PABIR2: variants seen among roughly 807,000 people sequenced by gnomAD.
The protein encoded by PABIR2 is family with sequence similarity 122B.
Under a neutral mutation model 22.8 loss-of-function variants are expected in PABIR2, and 7 were observed. The observed-to-expected ratio is 0.31, with a 90% confidence interval of 0.17 to 0.58. The LOEUF (loss-of-function observed/expected upper bound fraction) is 0.58, where lower values mean the gene tolerates loss of function less well. Ranked by LOEUF, PABIR2 falls within the 20% of genes least tolerant of loss-of-function variation. PABIR2 has a pLI of 0.89. For synonymous variants in PABIR2, 67 were observed against 73.8 expected, an observed-to-expected ratio of 0.91 and a Z score of 0.47; for missense variants, 155 against 205.1, an observed-to-expected ratio of 0.76 and a Z score of 1.49.
At position 134,771,409 on chromosome X, in the gene PABIR2, A is replaced by C; in HGVS notation, c.*730T>G. The C allele has an allele frequency of 8.0e-6, 9 of 1,128,674 alleles. No individual in the cohort carries two copies. Among genetic ancestry groups the C allele is most frequent in the Non-Finnish European group, 1.0e-5 (9 of 860,912 alleles). The allele number at this position is 1,128,674 out of a possible 1,213,427, so 93.0% of individuals were successfully genotyped here. On this transcript the variant is annotated 3_prime_UTR_variant, in exon 10 of 10. Coordinates refer to ENST00000343004, the MANE Select transcript of PABIR2 (RefSeq NM_001387468.1). Reference sequence around the variant, plus strand: ...CCTTAGGGCAACAGGTTTGAGGAGAAATATATCAACTGTGGTAGCAAAGTC... The same window carrying C: ...CCTTAGGGCAACAGGTTTGAGGAGACATATATCAACTGTGGTAGCAAAGTC...
At chrX:134,785,851 G>C in intron 8 of PABIR2, 35 bp downstream of exon 8, 2 of 1,146,916 alleles carry the variant, frequency 1.7e-6, no homozygotes, top group Non-Finnish European at 2.4e-6. Context: ...ATGTGACACA[G>C]TAGCATTAGC....
chrX:134,790,024 C>T (rs1210363419), intron 2 of PABIR2, among the ~76,000 whole-genome samples: 1 of 111,680 alleles, frequency 9.0e-6, no homozygotes, highest in Admixed American at 9.5e-5. Context: ...ATCAATGCAG[C>T]AATGGGGGAA....
chrX:134,787,773 G>T (rs2079381640), intron 6 of PABIR2, among the ~76,000 whole-genome samples: 1 of 104,349 alleles, frequency 9.6e-6, no homozygotes. Context: ...GCGCCACCAT[G>T]CCCGACTAAT....
intron 1 of PABIR2, among the ~76,000 whole-genome samples, chrX:134,794,572 C>T (rs1215426315): frequency 2.7e-5 from 3 of 111,985 alleles, no homozygotes; most frequent in Admixed American, 9.5e-5. Flanking sequence ...CCAAAGAGTA[C>T]ACTGGGAGAT....
chrX:134,781,508 A>G (rs1246164167), intron 9 of PABIR2, among the ~76,000 whole-genome samples: 2 of 111,964 alleles, frequency 1.8e-5, no homozygotes, highest in Non-Finnish European at 3.8e-5. Context: ...ATGTTTTAGG[A>G]CCACATTTCT....
rs35944652 is a variant in PABIR2 at position 134,776,085 on chromosome X, A to AGT, written c.660-3804_660-3803dup. 6.9e-3 allele frequency among the ~76,000 whole-genome samples: 747 copies of AGT among 108,008 alleles called. 6 individuals are homozygous for AGT. Among genetic ancestry groups the AGT allele is most frequent in the Admixed American group, 0.019 (190 of 10,204 alleles). The allele number at this position is 108,008 out of a possible 115,157, so 93.8% of individuals were successfully genotyped here. A position where few individuals can be genotyped will look rare whatever the true frequency, so the allele number is the denominator to read the frequency against. The stretch of plus-strand genomic sequence containing the variant: ...AAGTTGCTCACATAAACATCTCTAA[A>AGT]GTGTGTGTGTGTGTGTGTGTGTATA... On this transcript the variant is annotated intron_variant, in intron 9 of 9. Coordinates refer to ENST00000343004, the MANE Select transcript of PABIR2 (RefSeq NM_001387468.1).
At position 134,771,105 on chromosome X, in the gene PABIR2, G is replaced by A; in HGVS notation, c.*1034C>T. The A allele has an allele frequency of 3.0e-6, 1 of 331,470 alleles. No individual in the cohort carries two copies. The highest frequency in any genetic ancestry group is 5.1e-6 in the Non-Finnish European group (1 of 196,260). The allele number at this position is 331,470 out of a possible 1,213,427, so 27.3% of individuals were successfully genotyped here. Reference sequence around the variant, plus strand: ...ATGACAAAAAGGAATCGGAAAAAAAGCAGCAACAGAAACAGTATGTGGCAA... The same window carrying A: ...ATGACAAAAAGGAATCGGAAAAAAAACAGCAACAGAAACAGTATGTGGCAA... On this transcript the variant is annotated 3_prime_UTR_variant, in exon 10 of 10. Transcript: ENST00000343004.
chrX:134,779,108 C>T (rs2079086367), intron 9 of PABIR2, among the ~76,000 whole-genome samples: 1 of 111,642 alleles, frequency 9.0e-6, no homozygotes, highest in South Asian at 3.7e-4. Context: ...GCCACTGTGC[C>T]CAGCCACAAC....
Position 134,790,807 on chromosome X carries a change from C to G in PABIR2, c.178-1171G>C, listed in dbSNP as rs1309519232. ...TAGGATGATCTCGATCTCCTGACCT[C>G]GTGATCCTCCTGCCTTGGCCCTCCA... On this transcript the variant is annotated intron_variant, in intron 2 of 9. Coordinates refer to ENST00000343004, the MANE Select transcript of PABIR2 (RefSeq NM_001387468.1). Among the ~76,000 whole-genome samples, 6 of 112,400 alleles carry G rather than the reference C, an allele frequency of 5.3e-5. No individual in the cohort carries two copies. In the East Asian group the frequency reaches 1.7e-3, roughly 31 times the overall value.
Position 134,789,227 on chromosome X carries a change from C to T in PABIR2, c.274G>A (p.Glu92Lys), listed in dbSNP as rs1489951466. 3 of 1,210,962 alleles carry T rather than the reference C, an allele frequency of 2.5e-6. No homozygotes were observed. The Admixed American group carries it at 6.5e-5, about 26-fold the overall frequency. ...LDMVNRETAH[E>K]REMQTAMQIS... ...CTGCTCTTGCAAAGCACTAACCTTT[C>T]ATGTGCAGTTTCTCTGTTCACCATA... The change falls in exon 4 of 10, where the codon GAA becomes AAA. Residue 92 changes from glutamate (E) to lysine (K), a missense_variant. Coordinates refer to ENST00000343004, the MANE Select transcript of PABIR2 (RefSeq NM_001387468.1).
rs140575189 is a variant in PABIR2, at chrX:134,771,760, G to C, written c.*379C>G. On this transcript the variant is annotated 3_prime_UTR_variant, in exon 10 of 10. Transcript: ENST00000343004. ...AAATCTCTCAAGCAAGAGAATTTCT[G>C]ATCAAATCTGTCATATCACTGCTGC... is the stretch of plus-strand genomic sequence containing the variant. The C allele has an allele frequency of 9.9e-6, 8 of 806,005 alleles. No homozygotes were observed. In the South Asian group the frequency reaches 3.9e-4, roughly 39 times the overall value. 66.4% of individuals were successfully genotyped at this position (806,005 alleles called of 1,213,427 possible).
At chrX:134,794,583 G>A (rs1308942499) in intron 1 of PABIR2, among the ~76,000 whole-genome samples, 1 of 112,104 alleles carries the variant, frequency 8.9e-6, no homozygotes, top group Non-Finnish European at 1.9e-5. Context: ...ACTGGGAGAT[G>A]AGATGCTTCT....
intron 9 of PABIR2, among the ~76,000 whole-genome samples, chrX:134,774,188 A>G (rs972803891): frequency 2.7e-5 from 3 of 112,288 alleles, no homozygotes; most frequent in Non-Finnish European, 3.8e-5. Flanking sequence ...GGCAAAATGG[A>G]TCTAAAATAT....
chrX:134,778,504 C>CA (rs750595910), intron 9 of PABIR2, among the ~76,000 whole-genome samples: 2,733 of 32,702 alleles, frequency 0.084, 171 homozygotes, highest in African/African-American at 0.23. Context: ...AACTCCGTCT[C>CA]AAAAAAAAAA....
At chrX:134,794,990 T>C (rs1453629044) in intron 1 of PABIR2, among the ~76,000 whole-genome samples, 1 of 112,108 alleles carries the variant, frequency 8.9e-6, no homozygotes, top group Non-Finnish European at 1.9e-5. Flanking sequence ...ATAGTCTAAA[T>C]ACAGGTCAAT....
chrX:134,770,435 A>G lies in PABIR2; in HGVS notation c.*1704T>C, dbSNP rs1352841920. On this transcript the variant is annotated 3_prime_UTR_variant, in exon 10 of 10. Transcript: ENST00000343004. ...TAAAGGACACATCGGATGCTGTAAC[A>G]GAAGTACTGCACGCTAAGTGATGCT... 1 of 112,907 alleles carries G rather than the reference A, an allele frequency of 8.9e-6. No homozygotes were observed. The highest frequency in any genetic ancestry group is 1.9e-5 in the Non-Finnish European group (1 of 53,296). 9.3% of individuals were successfully genotyped at this position (112,907 alleles called of 1,213,427 possible).
At chrX:134,778,307 C>T (rs1462530704) in intron 9 of PABIR2, among the ~76,000 whole-genome samples, 3 of 103,976 alleles carry the variant, frequency 2.9e-5, no homozygotes, top group Non-Finnish European at 4.0e-5. Context: ...GAGTTCGATA[C>T]CAGCCTCAAC....
At chrX:134,774,624 T>G (rs2078918917) in intron 9 of PABIR2, among the ~76,000 whole-genome samples, 1 of 110,238 alleles carries the variant, frequency 9.1e-6, no homozygotes, top group Non-Finnish European at 1.9e-5. Flanking sequence ...TTAAGAGAAA[T>G]AAGCTAATTG....
intron 7 of PABIR2, 71 bp downstream of exon 7, chrX:134,787,401 C>A: frequency 9.1e-7 from 1 of 1,100,768 alleles, no homozygotes; most frequent in Non-Finnish European, 1.3e-6. Flanking sequence ...CGCCCAGCCA[C>A]AAAAAGCTAA....
Sources: allele counts gnomAD v4.1 joint callset (sites outside exome capture counted in the v4.1 genomes callset), GRCh38; gene constraint gnomAD v4.1.1; transcripts MANE v1.5; gene names NCBI Gene and HGNC (gene_info 2026-07-23, HGNC 2026-07-21).